The following SIPA1L1 variants were observed in gnomAD, a reference collection of about 807,000 sequenced individuals.
SIPA1L1 encodes signal induced proliferation associated 1 like 1, also known as signal-induced proliferation-associated 1-like protein 1.
Under a neutral mutation model 162.7 loss-of-function variants are expected in SIPA1L1, and 26 were observed. That is an observed-to-expected ratio of 0.16 (90% CI 0.12 to 0.22). The LOEUF (loss-of-function observed/expected upper bound fraction) is 0.22, where lower values mean the gene tolerates loss of function less well. Ranked by LOEUF, SIPA1L1 falls within the 10% of genes least tolerant of loss-of-function variation. SIPA1L1 has a pLI of 1.00. For missense variants in SIPA1L1, 1,874 were observed against 2,241.0 expected, an observed-to-expected ratio of 0.84 and a Z score of 3.31; for synonymous variants, 829 against 837.4, an observed-to-expected ratio of 0.99 and a Z score of 0.17.
In SIPA1L1 at chr14:71,588,045, G is replaced by A. The variant is rs2034827690; in HGVS notation, c.173G>A (p.Arg58Gln). 1 of 1,613,980 alleles carries A rather than the reference G, an allele frequency of 6.2e-7. No homozygotes were observed. The highest frequency in any genetic ancestry group is 8.5e-7 in the Non-Finnish European group (1 of 1,179,964). ...GTTATGGCTCCTGTAGGACCCCCCC[G>A]AAGTGAAGGTTCTCACCATATAACC... The part of the protein sequence containing the change: ...SSVMAPVGPP[R>Q]SEGSHHITST... Residue 58 changes from arginine to glutamine, a missense_variant, in exon 5 of 24, where the codon CGA becomes CAA. By Grantham distance (43) the Arg-to-Gln change is conservative (BLOSUM62 1). This residue lies in a region of SIPA1L1 where 685 missense variants were observed against 828.0 expected (regional missense o/e 0.83). Transcript: ENST00000381232. This position sits in a 1 kb window ranked among gnomAD's most constrained non-coding sequence, Gnocchi z 4.3.
chr14:71,500,957 G>A (rs1237894581), intron 2 of SIPA1L1, among the ~76,000 whole-genome samples: 1 of 152,212 alleles, frequency 6.6e-6, no homozygotes, highest in African/African-American at 2.4e-5. Context: ...GGTGACCCGA[G>A]ATCGTGCCAT....
chr14:71,448,177 T>G (rs1172195783), intron 2 of SIPA1L1, among the ~76,000 whole-genome samples: 2 of 152,210 alleles, frequency 1.3e-5, no homozygotes, highest in African/African-American at 4.8e-5. Flanking sequence ...TTCTTTCTCT[T>G]AGTTCTCTTT....
intron 2 of SIPA1L1, among the ~76,000 whole-genome samples, chr14:71,500,802 T>G (rs941909673): frequency 6.6e-6 from 1 of 151,572 alleles, no homozygotes; most frequent in Non-Finnish European, 1.5e-5. Flanking sequence ...AGATCGGGAG[T>G]TTGACACCAG....
intron 17 of SIPA1L1, among the ~76,000 whole-genome samples, chr14:71,718,979 C>T (rs1402830421): frequency 6.6e-6 from 1 of 151,872 alleles, no homozygotes; most frequent in Non-Finnish European, 1.5e-5. Flanking sequence ...CATTTTGTCA[C>T]CCAGGCTGGA....
intron 4 of SIPA1L1, among the ~76,000 whole-genome samples, chr14:71,585,735 T>C (rs1255388526): frequency 6.6e-6 from 1 of 152,232 alleles, no homozygotes. Context: ...GTGAGAAATG[T>C]TGAAAGCATC....
chr14:71,700,791 A>G lies in SIPA1L1; in HGVS notation c.3522-1590A>G, dbSNP rs548040167. ...GGGCGGATCACGAGGTCAGGAGATC[A>G]AGATCATCCTGGCTAACATGGTGAA... On this transcript the variant is annotated intron_variant, in intron 14 of 23. Transcript: ENST00000381232. 3.9e-5 allele frequency among the ~76,000 whole-genome samples: 6 copies of G among 152,066 alleles called. No homozygotes were observed. The South Asian group carries it at 8.3e-4, about 21-fold the overall frequency.
In SIPA1L1 at chr14:71,572,761, C is replaced by T. The variant is rs144115344; in HGVS notation, c.-302-14810C>T. Among the ~76,000 whole-genome samples, 15 of 152,042 alleles carry T rather than the reference C, an allele frequency of 9.9e-5. No homozygotes were observed. In the East Asian group the frequency reaches 2.7e-3, roughly 27 times the overall value. On this transcript the variant is annotated intron_variant, in intron 4 of 23. Transcript: ENST00000381232. ...TATGTTGTATGTAGGAAAAATTAAG[C>T]GTAGGTATATAGAAATAAAGCAAAT...
At chr14:71,526,464 A>G (rs1487646591) in intron 3 of SIPA1L1, among the ~76,000 whole-genome samples, 1 of 152,174 alleles carries the variant, frequency 6.6e-6, no homozygotes, top group East Asian at 1.9e-4. Context: ...TGTGTCTGGC[A>G]TCTTTGTCTC....
chr14:71,501,180 G>A (rs1595787027), intron 2 of SIPA1L1, among the ~76,000 whole-genome samples: 1 of 152,006 alleles, frequency 6.6e-6, no homozygotes, highest in African/African-American at 2.4e-5. Context: ...AATTAGCTGG[G>A]TGCAGTGGTG....
chr14:71,466,726 T>C (rs1274452510), intron 2 of SIPA1L1, among the ~76,000 whole-genome samples: 3 of 152,224 alleles, frequency 2.0e-5, no homozygotes, highest in African/African-American at 7.2e-5. Context: ...GTAGTATTTA[T>C]TGTGTTTAGG....
intron 4 of SIPA1L1, among the ~76,000 whole-genome samples, chr14:71,581,376 A>T (rs1299684018): frequency 2.6e-5 from 4 of 152,214 alleles, no homozygotes; most frequent in Non-Finnish European, 5.9e-5. Context: ...CGATGTCCTA[A>T]GCAAGGTGAT....
intron 6 of SIPA1L1, among the ~76,000 whole-genome samples, chr14:71,623,098 C>T (rs1015053312): frequency 6.6e-6 from 1 of 152,182 alleles, no homozygotes; most frequent in Non-Finnish European, 1.5e-5. Context: ...CACTGTGGTC[C>T]ATTCTCTGCC....
chr14:71,510,222 T>G (rs552429424), intron 2 of SIPA1L1, among the ~76,000 whole-genome samples: 7 of 148,050 alleles, frequency 4.7e-5, no homozygotes, highest in African/African-American at 1.8e-4. Flanking sequence ...GTTTCACTCT[T>G]GTTGCCCAGG....
chr14:71,738,173 A>C lies in SIPA1L1; in HGVS notation c.5124-68A>C. Reference sequence around the variant, plus strand: ...AGCCTCCTCAGAGTAAAAAAAAAAAAAAAAAAAAAAAAACAAACCCAGCCA... The same window carrying C: ...AGCCTCCTCAGAGTAAAAAAAAAAACAAAAAAAAAAAAACAAACCCAGCCA... On this transcript the variant is annotated intron_variant, in intron 22 of 23. Coordinates refer to ENST00000381232, the MANE Select transcript of SIPA1L1 (RefSeq NM_001386936.1). 3 of 767,772 alleles carry C rather than the reference A, an allele frequency of 3.9e-6. No homozygotes were observed. The East Asian group carries it at 8.2e-5, about 21-fold the overall frequency. The allele number at this position is 767,772 out of a possible 1,614,324, so 47.6% of individuals were successfully genotyped here. A position where few individuals can be genotyped will look rare whatever the true frequency, so the allele number is the denominator to read the frequency against.
At chr14:71,694,690 T>TG (rs2081496994) in intron 13 of SIPA1L1, among the ~76,000 whole-genome samples, 1 of 152,256 alleles carries the variant, frequency 6.6e-6, no homozygotes, top group Non-Finnish European at 1.5e-5. Context: ...AAAAGAATAT[T>TG]GCCTGTATTC....
At chr14:71,461,177 G>A (rs371993029) in intron 2 of SIPA1L1, among the ~76,000 whole-genome samples, 16 of 152,252 alleles carry the variant, frequency 1.1e-4, no homozygotes, top group Admixed American at 6.5e-4. Context: ...TGCCCTTTCC[G>A]TGATGGAAGA....
chr14:71,601,695 C>T (rs904959501), intron 5 of SIPA1L1, among the ~76,000 whole-genome samples: 20 of 152,180 alleles, frequency 1.3e-4, no homozygotes, highest in Non-Finnish European at 2.4e-4. Context: ...TAGAATTCAA[C>T]AGCAAAGCCA....
chr14:71,696,107 G>C (rs566944060), intron 13 of SIPA1L1, among the ~76,000 whole-genome samples: 89 of 152,100 alleles, frequency 5.9e-4, no homozygotes, highest in African/African-American at 2.1e-3. Flanking sequence ...TATCCCACTA[G>C]TACGTGGCCC....
At chr14:71,344,563 G>C (rs1040979619) in intron 2 of SIPA1L1, among the ~76,000 whole-genome samples, 2 of 152,136 alleles carry the variant, frequency 1.3e-5, no homozygotes, top group African/African-American at 2.4e-5. Context: ...CTGTCTGTCT[G>C]TCTGTCTATC....
Sources: allele counts gnomAD v4.1 joint callset (sites outside exome capture counted in the v4.1 genomes callset), GRCh38; gene constraint gnomAD v4.1.1; regional missense constraint gnomAD v4.1.1; non-coding constraint Gnocchi (gnomAD v3.1); transcripts MANE v1.5; gene names NCBI Gene and HGNC (gene_info 2026-07-23, HGNC 2026-07-21).